GALNT18: variants seen among roughly 807,000 people sequenced by gnomAD.
GALNT18 encodes the protein polypeptide N-acetylgalactosaminyltransferase 18.
A neutral mutation model predicts 69.5 loss-of-function variants in GALNT18; 44 were observed. The observed-to-expected ratio is 0.63, with a 90% CI of 0.50 to 0.81. GALNT18 has a LOEUF of 0.81. GALNT18 is among the 40% of genes least tolerant of loss of function. The pLI, the probability that GALNT18 is intolerant of heterozygous loss-of-function variation, is 0.00. For synonymous variants in GALNT18, 364 were observed against 318.2 expected (o/e 1.14, Z -1.53); for missense variants, 715 against 810.0 (o/e 0.88, Z 1.42).
Position 11,569,647 on chromosome 11 carries a change from C to A in GALNT18, c.235+51712G>T, listed in dbSNP as rs75706549. On this transcript the variant is annotated intron_variant, in intron 1 of 10. Transcript: ENST00000227756. ...AAGGGCTATGTCCCATCTGCCTGGG[C>A]AAACTGTCCTTCCTGAAATGGCTGA... Among the ~76,000 whole-genome samples the A allele has an allele frequency of 8.6e-3, 1,304 of 152,262 alleles. 24 individuals carry two copies. The highest frequency in any genetic ancestry group is 0.03 in the African/African-American group (1,245 of 41,538).
rs1859110114 is a variant in GALNT18, at chr11:11,582,490, G to A, written c.235+38869C>T. Among the ~76,000 whole-genome samples the A allele has an allele frequency of 6.6e-6, 1 of 152,228 alleles. No homozygotes were observed. On this transcript the variant is annotated intron_variant, in intron 1 of 10. Coordinates refer to ENST00000227756, the MANE Select transcript of GALNT18 (RefSeq NM_198516.3). This position sits in a 1 kb window ranked among gnomAD's most constrained non-coding sequence, Gnocchi z 5.0. ...GGACCACTGGAATAGGAGCAGAAGT[G>A]ATAAACATGCACCAATTTGAGAAGA...
intron 2 of GALNT18, among the ~76,000 whole-genome samples, chr11:11,445,611 G>T (rs562065690): frequency 1.3e-5 from 2 of 152,216 alleles, no homozygotes; most frequent in Admixed American, 1.3e-4. Flanking sequence ...TTGGGCGTGC[G>T]TCTGGCACGT....
In GALNT18 at chr11:11,377,357, T is replaced by C; in HGVS notation, c.802A>G (p.Ile268Val). 1 of 1,613,776 alleles carries C rather than the reference T, an allele frequency of 6.2e-7. No homozygotes were observed. The highest frequency in any genetic ancestry group is 8.5e-7 in the Non-Finnish European group (1 of 1,179,970). ...ATGATCCGCTTCCGGTTCTCCTTGA[T>C]GCGGGTGAGTACAGGTTCAGCCCTG... is the stretch of plus-strand genomic sequence containing the variant. ...VGWAEPVLTRIKENRKRIISP... is the reference protein window; with the variant it reads ...VGWAEPVLTRVKENRKRIISP... Residue 268 changes from isoleucine to valine, a missense_variant, in exon 5 of 11, where the codon ATC (isoleucine) becomes GTC (valine). Transcript: ENST00000227756. This position sits in a 1 kb window ranked among gnomAD's most constrained non-coding sequence, Gnocchi z 4.6.
chr11:11,554,113 C>G (rs1015176288), intron 1 of GALNT18, among the ~76,000 whole-genome samples: 1 of 152,274 alleles, frequency 6.6e-6, no homozygotes, highest in Non-Finnish European at 1.5e-5. Flanking sequence ...CCACTCCCTC[C>G]GCTGACTGGC....
At chr11:11,484,072 A>T (rs1441601581) in intron 1 of GALNT18, among the ~76,000 whole-genome samples, 1 of 152,184 alleles carries the variant, frequency 6.6e-6, no homozygotes, top group Non-Finnish European at 1.5e-5. Context: ...CACCTTGTCA[A>T]GAGCTCAGTG....
chr11:11,476,818 CCAAGATGCAATGGATA>C (rs1856410032), intron 1 of GALNT18, among the ~76,000 whole-genome samples: 1 of 152,164 alleles, frequency 6.6e-6, no homozygotes. Context: ...CACTAAGGCA[CCAAGATGCAATGGATA>C]CCAGATGCCC....
intron 3 of GALNT18, among the ~76,000 whole-genome samples, chr11:11,395,122 C>T (rs1013021031): frequency 6.6e-6 from 1 of 152,218 alleles, no homozygotes; most frequent in African/African-American, 2.4e-5. Context: ...GTGCCAGGCA[C>T]CCATCTTTAA....
chr11:11,451,646 T>A (rs1296752059), intron 1 of GALNT18, among the ~76,000 whole-genome samples: 4 of 152,212 alleles, frequency 2.6e-5, no homozygotes, highest in Non-Finnish European at 5.9e-5. Context: ...TCCTCCTCAC[T>A]GGTGCAACTC....
rs1174863880 is a variant in GALNT18, at chr11:11,494,918, A to G, written c.236-45982T>C. On this transcript the variant is annotated intron_variant, in intron 1 of 10. Coordinates refer to ENST00000227756, the MANE Select transcript of GALNT18 (RefSeq NM_198516.3). This position sits in a 1 kb window ranked among gnomAD's most constrained non-coding sequence, Gnocchi z 5.7. ...TTCCACCAAAGGAAAATGCAATAAC[A>G]TGGAGTTATAAGCCAATCACATGCT... Among the ~76,000 whole-genome samples, 1 of 152,128 alleles carries G rather than the reference A, an allele frequency of 6.6e-6. No homozygotes were observed. Among genetic ancestry groups the G allele is most frequent in the Non-Finnish European group, 1.5e-5 (1 of 68,032 alleles).
chr11:11,308,207 G>A (rs997401121), intron 9 of GALNT18, among the ~76,000 whole-genome samples: 1 of 152,208 alleles, frequency 6.6e-6, no homozygotes, highest in Non-Finnish European at 1.5e-5. Context: ...GGCGTGGCAG[G>A]AAGAACCTCG....
intron 9 of GALNT18, among the ~76,000 whole-genome samples, chr11:11,326,210 A>T (rs943499469): frequency 6.6e-6 from 1 of 151,834 alleles, no homozygotes; most frequent in Non-Finnish European, 1.5e-5. Context: ...ACACCTGGCT[A>T]ATTTTTTGTA....
In GALNT18 at chr11:11,332,837, C is replaced by G; in HGVS notation, c.1279-6G>C. The G allele has an allele frequency of 6.2e-7, 1 of 1,612,538 alleles. No individual in the cohort carries two copies. Among genetic ancestry groups the G allele is most frequent in the Non-Finnish European group, 8.5e-7 (1 of 1,179,948 alleles). On this transcript the variant is annotated splice_region_variant and splice_polypyrimidine_tract_variant and intron_variant, in intron 7 of 10. Transcript: ENST00000227756. The surrounding 1 kb of genome is among the most constrained non-coding windows in gnomAD (Gnocchi z 4.3). ...CCAATGTCAATTCCTGAGTCCTGCA[C>G]AGGGACGCAGAAGCAGAGATGAAGC...
At chr11:11,331,069 G>C (rs2133047593) in intron 8 of GALNT18, among the ~76,000 whole-genome samples, 1 of 152,312 alleles carries the variant, frequency 6.6e-6, no homozygotes, top group Non-Finnish European at 1.5e-5. Context: ...GTGGAGTGTG[G>C]GGCATCAAAG....
intron 3 of GALNT18, among the ~76,000 whole-genome samples, chr11:11,391,483 G>A (rs116724065): frequency 1.2e-3 from 189 of 152,314 alleles, no homozygotes; most frequent in African/African-American, 4.3e-3. Context: ...AGGGCAAGAG[G>A]GTGCATTTAA....
At chr11:11,569,247 GAAAA>G (rs11426572) in intron 1 of GALNT18, among the ~76,000 whole-genome samples, 1 of 136,140 alleles carries the variant, frequency 7.3e-6, no homozygotes. Flanking sequence ...AGGCTGAAGG[GAAAA>G]AAAAAAAAAA....
chr11:11,286,710 C>A (rs1849202493), intron 10 of GALNT18, among the ~76,000 whole-genome samples: 1 of 152,090 alleles, frequency 6.6e-6, no homozygotes, highest in East Asian at 1.9e-4. Flanking sequence ...GCTGGAGATA[C>A]TGAAGTGTGA....
In GALNT18 at chr11:11,541,439, C is replaced by T. The variant is rs1424518380; in HGVS notation, c.235+79920G>A. 1.3e-5 allele frequency among the ~76,000 whole-genome samples: 2 copies of T among 152,162 alleles called. No individual in the cohort carries two copies. Among genetic ancestry groups the T allele is most frequent in the Non-Finnish European group, 2.9e-5 (2 of 68,038 alleles). ...CAGTCTCCCTGCCTTCAGCCTCATT[C>T]CTCCCATCCACCTTCCACCTGTAGT... is the stretch of plus-strand genomic sequence containing the variant. On this transcript the variant is annotated intron_variant, in intron 1 of 10. Coordinates refer to ENST00000227756, the MANE Select transcript of GALNT18 (RefSeq NM_198516.3). The surrounding 1 kb of genome is among the most constrained non-coding windows in gnomAD (Gnocchi z 4.8).
chr11:11,460,519 G>A (rs1306941169), intron 1 of GALNT18, among the ~76,000 whole-genome samples: 1 of 152,184 alleles, frequency 6.6e-6, no homozygotes, highest in Non-Finnish European at 1.5e-5. Context: ...GGCTGCAGGT[G>A]GCCATGAGCT....
intron 1 of GALNT18, among the ~76,000 whole-genome samples, chr11:11,534,306 G>T (rs918361659): frequency 6.6e-6 from 1 of 152,170 alleles, no homozygotes; most frequent in African/African-American, 2.4e-5. Context: ...CATGAGATCT[G>T]CCAGAACCCT....
Sources: gnomAD v4.1 joint callset for allele counts (sites outside exome capture counted in the v4.1 genomes callset) on GRCh38, gnomAD v4.1.1 for gene constraint, Gnocchi (gnomAD v3.1) non-coding constraint, MANE v1.5 for transcripts, NCBI Gene and HGNC (gene_info 2026-07-23, HGNC 2026-07-21) for gene names.